ICA1L: variants seen among roughly 807,000 people sequenced by gnomAD.
ICA1L encodes islet cell autoantigen 1-like protein.
A neutral mutation model predicts 61.3 loss-of-function variants in ICA1L; 50 were observed. That is an observed-to-expected ratio of 0.82 (90% CI 0.65 to 1.03). ICA1L has a LOEUF of 1.03. ICA1L is among the 50% of genes least tolerant of loss of function. The probability of loss-of-function intolerance (pLI) is 0.00; values close to 1 mark genes in which losing one functional copy is unlikely to be tolerated. For synonymous variants in ICA1L, 161 were observed against 191.3 expected (o/e 0.84, Z 1.31); for missense variants, 508 against 556.7 (o/e 0.91, Z 0.88).
chr2:202,871,240 C>T (rs2105897210), intron 1 of ICA1L: 1 of 152,362 alleles, frequency 6.6e-6, no homozygotes, highest in South Asian at 2.1e-4. Flanking sequence ...GAGCGACCTC[C>T]ACCGCCGAGG....
chr2:202,859,652 G>A (rs1694858007), intron 1 of ICA1L, among the ~76,000 whole-genome samples: 1 of 152,018 alleles, frequency 6.6e-6, no homozygotes, highest in Admixed American at 6.6e-5. Flanking sequence ...CCCACAGAGA[G>A]GTTACCATCT....
chr2:202,810,847 T>C (rs1693356942), intron 9 of ICA1L, among the ~76,000 whole-genome samples: 1 of 152,148 alleles, frequency 6.6e-6, no homozygotes, highest in Non-Finnish European at 1.5e-5. Context: ...AGCTGTGGGA[T>C]GAAATAAGCC....
chr2:202,858,156 A>G (rs1301590248), intron 1 of ICA1L, among the ~76,000 whole-genome samples: 1 of 152,184 alleles, frequency 6.6e-6, no homozygotes, highest in African/African-American at 2.4e-5. Flanking sequence ...TTCTACTATA[A>G]AGACACATGC....
intron 10 of ICA1L, among the ~76,000 whole-genome samples, chr2:202,792,820 AT>A (rs1428970853): frequency 1.4e-4 from 21 of 152,256 alleles, no homozygotes; most frequent in African/African-American, 3.1e-4. Flanking sequence ...TTAAAAAAAA[AT>A]AATAATAAAC....
intron 1 of ICA1L, among the ~76,000 whole-genome samples, chr2:202,834,422 A>T (rs554283475): frequency 3.9e-5 from 6 of 152,206 alleles, no homozygotes; most frequent in African/African-American, 1.4e-4. Context: ...TGAGCTTGGG[A>T]GTTCAAGACC....
chr2:202,790,054 C>T (rs575443686), intron 10 of ICA1L, among the ~76,000 whole-genome samples: 1 of 152,212 alleles, frequency 6.6e-6, no homozygotes, highest in Admixed American at 6.5e-5. Context: ...TTTCTGCTTT[C>T]CCTGGTCCTT....
intron 12 of ICA1L, among the ~76,000 whole-genome samples, chr2:202,785,094 C>T (rs769601456): frequency 3.3e-5 from 5 of 151,746 alleles, no homozygotes; most frequent in Non-Finnish European, 7.4e-5. Flanking sequence ...TGGCATGTGC[C>T]TATAGTACCA....
In ICA1L at chr2:202,774,842, A is replaced by C. The variant is rs1305797762; in HGVS notation, c.*4691T>G. The C allele has an allele frequency of 2.0e-5, 3 of 152,488 alleles. No individual in the cohort carries two copies. The highest frequency in any genetic ancestry group is 4.4e-5 in the Non-Finnish European group (3 of 68,226). 9.4% of individuals were successfully genotyped at this position (152,488 alleles called of 1,614,324 possible). ...GATGTTGAGGCAGCAAGAAAACCGG[A>C]AGTTTAAAACGTACACTACAAATGT... On this transcript the variant is annotated 3_prime_UTR_variant, in exon 13 of 13. Transcript: ENST00000358299.
chr2:202,840,130 A>C (rs1173188582), intron 1 of ICA1L, among the ~76,000 whole-genome samples: 1 of 149,974 alleles, frequency 6.7e-6, no homozygotes, highest in Non-Finnish European at 1.5e-5. Flanking sequence ...AAAAAAAAAA[A>C]AAAGCGATTG....
chr2:202,786,866 A>G (rs1559126807), intron 11 of ICA1L: 1 of 395,154 alleles, frequency 2.5e-6, no homozygotes, highest in Non-Finnish European at 5.0e-6. Context: ...AAATGTCATT[A>G]TGAATACTCT....
Position 202,779,656 on chromosome 2 carries a change from A to G in ICA1L, c.1334-8T>C, listed in dbSNP as rs1692332440. 1 of 1,506,456 alleles carries G rather than the reference A, an allele frequency of 6.6e-7. No homozygotes were observed. Among genetic ancestry groups the G allele is most frequent in the Non-Finnish European group, 9.2e-7 (1 of 1,090,492 alleles). 93.3% of individuals were successfully genotyped at this position (1,506,456 alleles called of 1,614,324 possible). On this transcript the variant is annotated splice_polypyrimidine_tract_variant and splice_region_variant and intron_variant, in intron 12 of 12. Coordinates refer to ENST00000358299, the MANE Select transcript of ICA1L (RefSeq NM_001288622.3). ...GGTTGCCATTGTTGGGGGCTATTAA[A>G]AAAGAAAAAAAATACATTAAAGAGA...
chr2:202,865,761 T>C (rs1687491610), intron 1 of ICA1L, among the ~76,000 whole-genome samples: 2 of 152,192 alleles, frequency 1.3e-5, no homozygotes, highest in African/African-American at 2.4e-5. Flanking sequence ...ATCACATTTC[T>C]ATATATTAGT....
chr2:202,786,549 C>T (rs1407988825), intron 11 of ICA1L: 3 of 202,458 alleles, frequency 1.5e-5, no homozygotes, highest in Non-Finnish European at 2.9e-5. Context: ...GAGCGAGACT[C>T]CGTCTCAAAA....
At chr2:202,799,924 C>A (rs1693043499) in intron 9 of ICA1L, among the ~76,000 whole-genome samples, 1 of 148,512 alleles carries the variant, frequency 6.7e-6, no homozygotes, top group Non-Finnish European at 1.5e-5. Flanking sequence ...TGTTGCCAGG[C>A]TGGAGTGCAG....
intron 11 of ICA1L, among the ~76,000 whole-genome samples, chr2:202,786,284 C>T (rs1471839685): frequency 6.6e-6 from 1 of 152,138 alleles, no homozygotes; most frequent in African/African-American, 2.4e-5. Flanking sequence ...CGGTGGCTCA[C>T]GCCTGTAATC....
chr2:202,775,201 A>G lies in ICA1L; in HGVS notation c.*4332T>C, dbSNP rs142280034. 3 of 152,350 alleles carry G rather than the reference A, an allele frequency of 2.0e-5. No homozygotes were observed. The highest frequency in any genetic ancestry group is 7.2e-5 in the African/African-American group (3 of 41,574). 9.4% of individuals were successfully genotyped at this position (152,350 alleles called of 1,614,324 possible). A position where few individuals can be genotyped will look rare whatever the true frequency, so the allele number is the denominator to read the frequency against. ...TTCAGTTCTACTAAATTAATATTTT[A>G]AAGTTCGTTTTTCCTTCCTAATTTC... On this transcript the variant is annotated 3_prime_UTR_variant, in exon 13 of 13. Coordinates refer to ENST00000358299, the MANE Select transcript of ICA1L (RefSeq NM_001288622.3).
chr2:202,840,599 A>G, intron 1 of ICA1L: 1 of 570,764 alleles, frequency 1.8e-6, no homozygotes, highest in Non-Finnish European at 3.4e-6. Context: ...CTCGCCCTCC[A>G]GCAGCTTCCT....
intron 1 of ICA1L, among the ~76,000 whole-genome samples, chr2:202,846,894 T>A (rs1330466621): frequency 6.6e-6 from 1 of 152,244 alleles, no homozygotes; most frequent in African/African-American, 2.4e-5. Context: ...TCACATGAAC[T>A]TTATTTGTAA....
At chr2:202,834,140 C>T (rs1310750646) in intron 1 of ICA1L, among the ~76,000 whole-genome samples, 14 of 152,044 alleles carry the variant, frequency 9.2e-5, no homozygotes, top group Non-Finnish European at 5.9e-5. Flanking sequence ...ACGTAATGTA[C>T]ATGACAAATA....
Sources: allele counts gnomAD v4.1 joint callset (sites outside exome capture counted in the v4.1 genomes callset), GRCh38; gene constraint gnomAD v4.1.1; transcripts MANE v1.5; gene names NCBI Gene and HGNC (gene_info 2026-07-23, HGNC 2026-07-21).